Variants in ACVR1 observed in about 807,000 individuals in gnomAD.
The protein encoded by ACVR1 is activin receptor type-1.
In ACVR1, 38 loss-of-function variants were observed where a neutral mutation model predicts 57.1. That is an observed-to-expected ratio of 0.67 (90% confidence interval 0.51 to 0.87). The LOEUF is 0.87. Among genes scored for constraint, ACVR1 ranks in the 40% least tolerant of loss-of-function variants. The probability of loss-of-function intolerance (pLI) is 0.00; values close to 1 mark genes in which losing one functional copy is unlikely to be tolerated. For synonymous variants in ACVR1, 212 were observed against 228.1 expected (o/e 0.93, Z 0.63); for missense variants, 463 against 638.2 (o/e 0.73, Z 2.96).
At chr2:157,849,935 A>AC (rs1356473719) in intron 1 of ACVR1, among the ~76,000 whole-genome samples, 2 of 152,152 alleles carry the variant, frequency 1.3e-5, no homozygotes, top group Non-Finnish European at 1.5e-5. Flanking sequence ...GACTGTGGCT[A>AC]GTAGCTACCT....
chr2:157,774,912 C>G (rs536752850), intron 5 of ACVR1, among the ~76,000 whole-genome samples: 1 of 152,148 alleles, frequency 6.6e-6, no homozygotes, highest in African/African-American at 2.4e-5. Context: ...CTTTCAACTT[C>G]AAGAACTGGG....
chr2:157,817,340 G>C (rs548775536), intron 2 of ACVR1, among the ~76,000 whole-genome samples: 1 of 152,232 alleles, frequency 6.6e-6, no homozygotes, highest in East Asian at 1.9e-4. Flanking sequence ...GTAAATGCAA[G>C]GACACAGCAA....
At chr2:157,833,166 T>TA (rs1260543046) in intron 1 of ACVR1, among the ~76,000 whole-genome samples, 2 of 152,206 alleles carry the variant, frequency 1.3e-5, no homozygotes, top group Non-Finnish European at 2.9e-5. Context: ...GTAGAGGTGA[T>TA]ACTACAGCCA....
intron 1 of ACVR1, among the ~76,000 whole-genome samples, chr2:157,867,834 T>TA (rs1169081099): frequency 7.2e-5 from 11 of 152,096 alleles, no homozygotes; most frequent in Non-Finnish European, 1.3e-4. Flanking sequence ...TGTGTAACCT[T>TA]AGACATTCAT....
chr2:157,791,181 C>T (rs1686897027), intron 3 of ACVR1, among the ~76,000 whole-genome samples: 1 of 152,210 alleles, frequency 6.6e-6, no homozygotes, highest in Admixed American at 6.5e-5. Context: ...TCCAACTGGA[C>T]TATGACTTCT....
intron 2 of ACVR1, among the ~76,000 whole-genome samples, chr2:157,815,006 G>A (rs762162928): frequency 2.6e-5 from 4 of 152,022 alleles, no homozygotes; most frequent in Non-Finnish European, 5.9e-5. Flanking sequence ...GGAGAATGTC[G>A]TGAACCCAGG....
At chr2:157,855,308 G>GTGTA (rs1307480066) in intron 1 of ACVR1, among the ~76,000 whole-genome samples, 17 of 51,670 alleles carry the variant, frequency 3.3e-4, no homozygotes, top group East Asian at 4.8e-4. Flanking sequence ...GTGTGTGTGT[G>GTGTA]TATATATATA....
intron 2 of ACVR1, among the ~76,000 whole-genome samples, chr2:157,800,269 C>T (rs953190579): frequency 6.6e-6 from 1 of 152,140 alleles, no homozygotes; most frequent in Non-Finnish European, 1.5e-5. Flanking sequence ...TGTACTCTTT[C>T]AGCTTTAAAG....
intron 1 of ACVR1, among the ~76,000 whole-genome samples, chr2:157,843,945 GA>G (rs1377225178): frequency 6.6e-6 from 1 of 151,948 alleles, no homozygotes; most frequent in Non-Finnish European, 1.5e-5. Context: ...AGACGAAAAA[GA>G]AAAAAGGAGC....
At chr2:157,820,391 T>C (rs1688119618) in intron 1 of ACVR1, among the ~76,000 whole-genome samples, 1 of 152,198 alleles carries the variant, frequency 6.6e-6, no homozygotes, top group Non-Finnish European at 1.5e-5. Flanking sequence ...TAAAGCTGCT[T>C]TCCCCTCTGC....
chr2:157,825,382 G>A (rs1472064603), intron 1 of ACVR1, among the ~76,000 whole-genome samples: 4 of 152,128 alleles, frequency 2.6e-5, no homozygotes, highest in African/African-American at 9.7e-5. Context: ...AGTGAGAAAT[G>A]AGTTTCATGA....
chr2:157,870,026 AC>A (rs1690064256), intron 1 of ACVR1, among the ~76,000 whole-genome samples: 1 of 152,164 alleles, frequency 6.6e-6, no homozygotes, highest in Non-Finnish European at 1.5e-5. Flanking sequence ...TCTTACTTTC[AC>A]CCCAAGCGTA....
intron 1 of ACVR1, among the ~76,000 whole-genome samples, chr2:157,874,382 A>G (rs1690209929): frequency 6.6e-6 from 1 of 152,218 alleles, no homozygotes; most frequent in South Asian, 2.1e-4. Context: ...AGTGAAATGG[A>G]TGAGGCCCAT....
At chr2:157,867,260 C>A (rs1372075149) in intron 1 of ACVR1, among the ~76,000 whole-genome samples, 1 of 152,232 alleles carries the variant, frequency 6.6e-6, no homozygotes, top group African/African-American at 2.4e-5. Context: ...TTCTCCAGCC[C>A]AAGGCTAAAA....
intron 2 of ACVR1, among the ~76,000 whole-genome samples, chr2:157,800,542 C>T (rs182034957): frequency 1.3e-5 from 2 of 152,142 alleles, no homozygotes; most frequent in Admixed American, 1.3e-4. Context: ...ATACCTCCAT[C>T]ATATCTTACC....
rs1042322442 is a variant in ACVR1, at chr2:157,848,378, G to C, written c.-183+27418C>G. On this transcript the variant is annotated intron_variant, in intron 1 of 10. Coordinates refer to ENST00000434821, the MANE Select transcript of ACVR1 (RefSeq NM_001111067.4). ...AAGCTCAAAATAGCCCATGCAGAGA[G>C]ACCACATGTAGGTGTTTCAGCTGAC... 2.4e-4 allele frequency among the ~76,000 whole-genome samples: 37 copies of C among 152,198 alleles called. 1 individual carries two copies. Among genetic ancestry groups the C allele is most frequent in the Non-Finnish European group, 5.9e-5 (4 of 68,042 alleles).
intron 8 of ACVR1, among the ~76,000 whole-genome samples, chr2:157,765,376 G>C (rs1367031716): frequency 6.6e-6 from 1 of 152,200 alleles, no homozygotes; most frequent in Admixed American, 6.5e-5. Context: ...TACTTTATGT[G>C]AAGGTTAGTG....
intron 1 of ACVR1, among the ~76,000 whole-genome samples, chr2:157,849,458 A>T (rs1417041554): frequency 6.6e-6 from 1 of 152,242 alleles, no homozygotes; most frequent in East Asian, 1.9e-4. Context: ...TGTGAAGTAT[A>T]GTAGTATATA....
intron 8 of ACVR1, among the ~76,000 whole-genome samples, chr2:157,763,811 A>G (rs1474414290): frequency 1.3e-5 from 2 of 152,242 alleles, no homozygotes; most frequent in Non-Finnish European, 2.9e-5. Flanking sequence ...TAAGTTATAT[A>G]CAAATTATGG....
Sources: allele counts gnomAD v4.1 joint callset (sites outside exome capture counted in the v4.1 genomes callset), GRCh38; gene constraint gnomAD v4.1.1; transcripts MANE v1.5; gene names NCBI Gene and HGNC (gene_info 2026-07-23, HGNC 2026-07-21).